RNF6: variants seen among roughly 807,000 people sequenced by gnomAD.
The protein encoded by RNF6 is ring finger protein 6, also known as E3 ubiquitin-protein ligase RNF6.
A neutral mutation model predicts 50.1 loss-of-function variants in RNF6; 21 were observed. The observed-to-expected ratio is 0.42, with a 90% CI of 0.30 to 0.60. The LOEUF is 0.60. Among genes scored for constraint, RNF6 ranks in the 20% least tolerant of loss-of-function variants. RNF6 has a pLI of 0.20. For synonymous variants in RNF6, 255 were observed against 291.8 expected (o/e 0.87, Z 1.29); for missense variants, 698 against 838.2 (o/e 0.83, Z 2.07).
At chr13:26,189,914 T>C (rs1407834098) in intron 5 of RNF6, among the ~76,000 whole-genome samples, 2 of 152,244 alleles carry the variant, frequency 1.3e-5, no homozygotes, top group Non-Finnish European at 2.9e-5. Context: ...CTGGAAAATA[T>C]GGAAAATAGC....
At chr13:26,160,538 CTTCTTCTTT>C (rs1566414108) in intron 5 of RNF6, among the ~76,000 whole-genome samples, 2,436 of 52,610 alleles carry the variant, frequency 0.046, 53 homozygotes, top group African/African-American at 0.12. Context: ...TTCTTCTCTT[CTTCTTCTTT>C]TTTTTTTTTT....
intron 5 of RNF6, among the ~76,000 whole-genome samples, chr13:26,173,258 A>C (rs1055670706): frequency 2.0e-5 from 3 of 152,222 alleles, no homozygotes; most frequent in Non-Finnish European, 4.4e-5. Flanking sequence ...GAAGTTACGA[A>C]CAAAGATATG....
intron 5 of RNF6, among the ~76,000 whole-genome samples, chr13:26,201,125 C>CT (rs1198402277): frequency 6.6e-6 from 1 of 152,072 alleles, no homozygotes; most frequent in Admixed American, 6.6e-5. Context: ...AAGAAAAAAG[C>CT]TTTATATTTC....
At chr13:26,146,946 A>G (rs1871282560) in intron 5 of RNF6, among the ~76,000 whole-genome samples, 1 of 152,112 alleles carries the variant, frequency 6.6e-6, no homozygotes. Flanking sequence ...GAAATGCACC[A>G]TGATTGTAAA....
At chr13:26,189,784 C>T (rs1411271572) in intron 5 of RNF6, among the ~76,000 whole-genome samples, 1 of 152,190 alleles carries the variant, frequency 6.6e-6, no homozygotes, top group Non-Finnish European at 1.5e-5. Context: ...TATTTATTTA[C>T]ACTCTCTGCT....
chr13:26,160,324 A>G (rs1229176572), intron 5 of RNF6, among the ~76,000 whole-genome samples: 2 of 152,124 alleles, frequency 1.3e-5, no homozygotes, highest in African/African-American at 4.8e-5. Context: ...ACTAGCTTTT[A>G]TAACAGCATC....
At chr13:26,156,446 GC>G (rs1337099595) in intron 5 of RNF6, among the ~76,000 whole-genome samples, 1 of 152,166 alleles carries the variant, frequency 6.6e-6, no homozygotes, top group Non-Finnish European at 1.5e-5. Flanking sequence ...CTCAGTCTTT[GC>G]CCAAATAAAA....
chr13:26,181,924 A>G lies in RNF6; in HGVS notation n.768+33550T>C, dbSNP rs151327707. Among the ~76,000 whole-genome samples the G allele has an allele frequency of 2.6e-5, 4 of 152,246 alleles. No homozygotes were observed. In the East Asian group the frequency reaches 7.7e-4, roughly 29 times the overall value. ...TCATTTCTCTTCAATTCTCAATCAC[A>G]TCTTTTGAGTTGTTTTTATTTCTTG... On this transcript the variant is annotated intron_variant and non_coding_transcript_variant, in intron 5 of 5. Transcript: ENST00000468480.
At chr13:26,209,786 GATAT>G (rs35139305), downstream of RNF6, among the ~76,000 whole-genome samples, 1 of 140,560 alleles carries the variant, frequency 7.1e-6, no homozygotes, top group African/African-American at 2.5e-5. Context: ...GAAGATGTGA[GATAT>G]ATATATATAT....
At chr13:26,170,822 C>G (rs529236321) in intron 5 of RNF6, among the ~76,000 whole-genome samples, 10 of 152,260 alleles carry the variant, frequency 6.6e-5, no homozygotes, top group African/African-American at 2.4e-4. Flanking sequence ...AATATTGGAG[C>G]CACACTTGTA....
At chr13:26,187,692 T>C (rs1178188491) in intron 5 of RNF6, among the ~76,000 whole-genome samples, 1 of 152,178 alleles carries the variant, frequency 6.6e-6, no homozygotes, top group Non-Finnish European at 1.5e-5. Context: ...CTCCAGAGGC[T>C]GGAGTTTATT....
At chr13:26,178,575 A>T (rs1873076589) in intron 5 of RNF6, among the ~76,000 whole-genome samples, 1 of 124,516 alleles carries the variant, frequency 8.0e-6, no homozygotes, top group Admixed American at 9.2e-5. Context: ...TTGGCGGACC[A>T]GGTGTCTGCC....
At chr13:26,148,766 G>A (rs1871401088) in intron 5 of RNF6, among the ~76,000 whole-genome samples, 1 of 147,516 alleles carries the variant, frequency 6.8e-6, no homozygotes, top group Non-Finnish European at 1.5e-5. Flanking sequence ...ACAGAAGCTG[G>A]CAAATCCCCA....
At chr13:26,192,605 T>C (rs1334169927) in intron 5 of RNF6, among the ~76,000 whole-genome samples, 2 of 152,340 alleles carry the variant, frequency 1.3e-5, no homozygotes, top group African/African-American at 4.8e-5. Context: ...ACTAGCAGAC[T>C]CTATTGCCTT....
At chr13:26,200,451 C>G (rs941963519) in intron 5 of RNF6, among the ~76,000 whole-genome samples, 9 of 139,642 alleles carry the variant, frequency 6.4e-5, no homozygotes, top group Non-Finnish European at 1.4e-4. Context: ...CTCTTGTTGT[C>G]CAGTCTGGAG....
intron 3 of RNF6, 197 bp downstream of exon 3, chr13:26,219,260 C>A: frequency 2.0e-6 from 1 of 496,248 alleles, no homozygotes; most frequent in East Asian, 3.1e-5. Flanking sequence ...GCTCCATGTC[C>A]CCTATTTTCA....
chr13:26,218,486 C>G, intron 4 of RNF6, 25 bp downstream of exon 4: 1 of 1,553,490 alleles, frequency 6.4e-7, no homozygotes, highest in Non-Finnish European at 8.9e-7. Context: ...CAAGCCTGTT[C>G]CTTATGGAAA....
chr13:26,153,239 A>G (rs1871726516), intron 5 of RNF6, among the ~76,000 whole-genome samples: 1 of 150,966 alleles, frequency 6.6e-6, no homozygotes, highest in Non-Finnish European at 1.5e-5. Flanking sequence ...TCCAAGATGG[A>G]GTCTTGCTCT....
At chr13:26,222,661 T>C (rs1870634607), upstream of RNF6, 1 of 152,322 alleles carries the variant, frequency 6.6e-6, no homozygotes. Context: ...TGTCTGTCTG[T>C]CTATCTCTAT....
Sources: gnomAD v4.1 joint callset for allele counts (sites outside exome capture counted in the v4.1 genomes callset) on GRCh38, gnomAD v4.1.1 for gene constraint, MANE v1.5 for transcripts, NCBI Gene and HGNC (gene_info 2026-07-23, HGNC 2026-07-21) for gene names.